Variants in TAF3 observed in about 807,000 individuals in gnomAD.
TAF3 encodes the protein transcription initiation factor TFIID subunit 3.
In TAF3, 7 loss-of-function variants were observed where a neutral mutation model predicts 80.6. That is an observed-to-expected ratio of 0.09 (90% CI 0.05 to 0.16). TAF3 has a LOEUF of 0.16. Among genes scored for constraint, TAF3 ranks in the 10% least tolerant of loss-of-function variants. The pLI, the probability that TAF3 is intolerant of heterozygous loss-of-function variation, is 1.00. For synonymous variants in TAF3, 444 were observed against 446.1 expected, an observed-to-expected ratio of 1.00 and a Z score of 0.06; for missense variants, 921 against 1,140.2, an observed-to-expected ratio of 0.81 and a Z score of 2.77.
At chr10:7,945,038 G>A (rs1300585335) in intron 2 of TAF3, among the ~76,000 whole-genome samples, 2 of 152,176 alleles carry the variant, frequency 1.3e-5, no homozygotes. Flanking sequence ...AACTGTAGTT[G>A]TAATTTTTTA....
intron 2 of TAF3, among the ~76,000 whole-genome samples, chr10:7,954,591 A>G (rs1367368868): frequency 7.2e-6 from 1 of 138,068 alleles, no homozygotes; most frequent in Non-Finnish European, 1.6e-5. Context: ...TGCACTCCAT[A>G]GGTGAATGAA....
intron 2 of TAF3, among the ~76,000 whole-genome samples, chr10:7,951,198 G>A (rs1312476729): frequency 1.3e-5 from 2 of 152,218 alleles, no homozygotes; most frequent in African/African-American, 4.8e-5. Flanking sequence ...GTGACAGTAT[G>A]TGTACATATG....
intron 4 of TAF3, among the ~76,000 whole-genome samples, chr10:8,004,758 T>C (rs1302875273): frequency 2.0e-5 from 3 of 152,232 alleles, no homozygotes; most frequent in Non-Finnish European, 2.9e-5. Context: ...TGCCTAGATA[T>C]AGATTTATTT....
intron 2 of TAF3, among the ~76,000 whole-genome samples, chr10:7,855,791 A>G (rs1207012760): frequency 1.3e-5 from 2 of 152,152 alleles, no homozygotes; most frequent in African/African-American, 4.8e-5. Context: ...AATTTGAAAT[A>G]GTTCTTTACA....
chr10:7,872,213 A>ATTTTTTTTTTTTTT lies in TAF3; in HGVS notation c.409+47660_409+47673dup, dbSNP rs34945620. ...GTAACATGGTAGAAGTGTTGGGTTG[A>ATTTTTTTTTTTTTT]TTTTTTTTTTTTTTTTTTTTCTTTC... On this transcript the variant is annotated intron_variant, in intron 2 of 6. Transcript: ENST00000344293. Among the ~76,000 whole-genome samples the ATTTTTTTTTTTTTT allele has an allele frequency of 7.7e-4, 94 of 121,972 alleles. 3 individuals carry two copies. The highest frequency in any genetic ancestry group is 1.9e-3 in the African/African-American group (62 of 32,504). The allele number at this position is 121,972 out of a possible 152,430, so 80.0% of individuals were successfully genotyped here.
chr10:7,823,593 A>T (rs1468563712), intron 1 of TAF3, among the ~76,000 whole-genome samples: 1 of 151,216 alleles, frequency 6.6e-6, no homozygotes, highest in Non-Finnish European at 1.5e-5. Flanking sequence ...CTGTGATCAT[A>T]CCACTGCACT....
At chr10:7,998,312 C>T (rs1368008043) in intron 4 of TAF3, among the ~76,000 whole-genome samples, 1 of 145,750 alleles carries the variant, frequency 6.9e-6, no homozygotes, top group Non-Finnish European at 1.5e-5. Context: ...TGTAATTGAA[C>T]TGGGAATGTT....
chr10:7,993,597 T>C (rs1831854974), intron 4 of TAF3, among the ~76,000 whole-genome samples: 1 of 152,232 alleles, frequency 6.6e-6, no homozygotes, highest in African/African-American at 2.4e-5. Context: ...ATTATTGTTC[T>C]ATCCCTGTAA....
At chr10:7,878,459 C>T (rs529369179) in intron 2 of TAF3, among the ~76,000 whole-genome samples, 8 of 152,048 alleles carry the variant, frequency 5.3e-5, no homozygotes, top group Non-Finnish European at 7.4e-5. Context: ...GGAGGGGTGA[C>T]GGGAGGAGTA....
At position 7,818,548 on chromosome 10, in the gene TAF3, C is replaced by T. The variant is rs1019402701; in HGVS notation, c.-162C>T. On this transcript the variant is annotated 5_prime_UTR_variant, in exon 1 of 7. Coordinates refer to ENST00000344293, the MANE Select transcript of TAF3 (RefSeq NM_031923.4). Reference sequence around the variant, plus strand: ...TCCAAAATGGCGGCTCTCAGGCTGGCGCGCTCCGTGCTGCTGGGGCTTTGA... The same window carrying T: ...TCCAAAATGGCGGCTCTCAGGCTGGTGCGCTCCGTGCTGCTGGGGCTTTGA... 1.5e-6 allele frequency: 1 copy of T among 678,456 alleles called. No homozygotes were observed. The highest frequency in any genetic ancestry group is 2.2e-6 in the Non-Finnish European group (1 of 445,492). The allele number at this position is 678,456 out of a possible 1,614,324, so 42.0% of individuals were successfully genotyped here.
At chr10:7,962,571 C>T (rs572224096) in intron 2 of TAF3, among the ~76,000 whole-genome samples, 1 of 152,342 alleles carries the variant, frequency 6.6e-6, no homozygotes, top group African/African-American at 2.4e-5. Flanking sequence ...ACTTTCCAGA[C>T]AAATAATTTT....
chr10:7,933,561 G>A (rs1837889034), intron 2 of TAF3, among the ~76,000 whole-genome samples: 1 of 152,140 alleles, frequency 6.6e-6, no homozygotes, highest in Non-Finnish European at 1.5e-5. Flanking sequence ...TTCTCATCCT[G>A]TCTTTCCCTC....
chr10:7,917,161 A>G (rs1837719050), intron 2 of TAF3, among the ~76,000 whole-genome samples: 1 of 152,200 alleles, frequency 6.6e-6, no homozygotes, highest in African/African-American at 2.4e-5. Flanking sequence ...AGCTGGGGAG[A>G]CAGACAATAT....
chr10:7,846,027 C>T (rs1306264017), intron 2 of TAF3, among the ~76,000 whole-genome samples: 80 of 148,158 alleles, frequency 5.4e-4, no homozygotes, highest in Middle Eastern at 6.9e-3. Context: ...GGCGCAATCT[C>T]GGCTCACTGC....
intron 2 of TAF3, among the ~76,000 whole-genome samples, chr10:7,853,221 AC>A (rs1837046237): frequency 6.6e-6 from 1 of 152,124 alleles, no homozygotes. Context: ...AGGTGCTCAA[AC>A]TCCATCACTT....
chr10:7,863,731 A>G (rs548802931), intron 2 of TAF3, among the ~76,000 whole-genome samples: 4 of 137,554 alleles, frequency 2.9e-5, no homozygotes, highest in African/African-American at 1.1e-4. Context: ...ACATATATAT[A>G]TACACATATA....
chr10:7,915,931 T>C (rs1197842927), intron 2 of TAF3, among the ~76,000 whole-genome samples: 1 of 151,628 alleles, frequency 6.6e-6, no homozygotes, highest in East Asian at 1.9e-4. Flanking sequence ...TGAGCTGAGG[T>C]TGCACCACTG....
At chr10:7,855,982 A>G (rs143979556) in intron 2 of TAF3, among the ~76,000 whole-genome samples, 92 of 152,218 alleles carry the variant, frequency 6.0e-4, no homozygotes, top group African/African-American at 2.0e-3. Context: ...TAGTATTCTA[A>G]GAGAGGACAA....
At chr10:7,952,720 A>G (rs1219100972) in intron 2 of TAF3, among the ~76,000 whole-genome samples, 1 of 152,140 alleles carries the variant, frequency 6.6e-6, no homozygotes, top group Admixed American at 6.5e-5. Flanking sequence ...TCACTCTACT[A>G]TTAATTTCTT....
Sources: allele counts gnomAD v4.1 joint callset (sites outside exome capture counted in the v4.1 genomes callset), GRCh38; gene constraint gnomAD v4.1.1; transcripts MANE v1.5; gene names NCBI Gene and HGNC (gene_info 2026-07-23, HGNC 2026-07-21).